Variants in SPTLC3 observed in about 807,000 individuals in gnomAD.
SPTLC3 encodes the protein serine palmitoyltransferase long chain base subunit 3, also known as serine palmitoyltransferase 3.
A neutral mutation model predicts 59.3 loss-of-function variants in SPTLC3; 36 were observed. That is an observed-to-expected ratio of 0.61 (90% CI 0.47 to 0.80). The LOEUF (loss-of-function observed/expected upper bound fraction) is 0.80, where lower values mean the gene tolerates loss of function less well. SPTLC3 is among the 30% of genes least tolerant of loss of function. The pLI, the probability that SPTLC3 is intolerant of heterozygous loss-of-function variation, is 0.00. For missense variants in SPTLC3, 625 were observed against 685.1 expected, an observed-to-expected ratio of 0.91 and a Z score of 0.98; for synonymous variants, 257 against 240.8, an observed-to-expected ratio of 1.07 and a Z score of -0.62.
chr20:13,031,411 T>C (rs573269040), intron 1 of SPTLC3, among the ~76,000 whole-genome samples: 1 of 152,314 alleles, frequency 6.6e-6, no homozygotes, highest in African/African-American at 2.4e-5. Context: ...CTGTCCCTCT[T>C]GCTCACACCA....
chr20:13,096,086 A>T (rs1190152396), intron 6 of SPTLC3, among the ~76,000 whole-genome samples: 1 of 152,180 alleles, frequency 6.6e-6, no homozygotes, highest in Non-Finnish European at 1.5e-5. Context: ...GCTTTCTCAC[A>T]CCCACTAAAA....
chr20:13,132,820 T>C (rs1037676276), intron 9 of SPTLC3: 1 of 152,134 alleles, frequency 6.6e-6, no homozygotes, highest in African/African-American at 2.4e-5. Context: ...CCCCTTCTTT[T>C]TCCAACAGCC....
At chr20:13,075,678 T>C (rs1373373417) in intron 4 of SPTLC3, among the ~76,000 whole-genome samples, 2 of 152,170 alleles carry the variant, frequency 1.3e-5, no homozygotes, top group African/African-American at 4.8e-5. Context: ...TCACCGGTGA[T>C]GCCCCATTTG....
rs531143021 is a variant in SPTLC3, at chr20:13,051,595, G to A, written c.303+2465G>A. The stretch of plus-strand genomic sequence containing the variant: ...TACCTTGGAACAAATGGACTTAACA[G>A]ATATATACAGAACATTTCATCCAAC... On this transcript the variant is annotated intron_variant, in intron 2 of 11. Coordinates refer to ENST00000399002, the MANE Select transcript of SPTLC3 (RefSeq NM_018327.4). Among the ~76,000 whole-genome samples the A allele has an allele frequency of 1.7e-3, 257 of 152,302 alleles. 2 individuals are homozygous for A. The highest frequency in any genetic ancestry group is 1.1e-3 in the Non-Finnish European group (75 of 68,030).
intron 8 of SPTLC3, among the ~76,000 whole-genome samples, chr20:13,126,104 TAGA>T (rs2037983344): frequency 6.6e-6 from 1 of 152,192 alleles, no homozygotes; most frequent in African/African-American, 2.4e-5. Context: ...CTACTTCAGC[TAGA>T]AGGACCCTCT....
At chr20:13,110,085 A>AT (rs1446043188) in intron 6 of SPTLC3, 27 bp from the exon 7 acceptor site, 1 of 1,555,662 alleles carries the variant, frequency 6.4e-7, no homozygotes, top group Non-Finnish European at 8.7e-7. Flanking sequence ...TTCATGACTC[A>AT]ATTTTTTTTT....
At chr20:13,134,740 GCAAA>G (rs1340251204) in intron 9 of SPTLC3, among the ~76,000 whole-genome samples, 1 of 151,926 alleles carries the variant, frequency 6.6e-6, no homozygotes, top group Non-Finnish European at 1.5e-5. Flanking sequence ...TCTGGCAGAT[GCAAA>G]CAAAGGTAAA....
rs372825038 is a variant in SPTLC3, at chr20:13,053,157, C to G, written c.303+4027C>G. ...CATACAGGAGAGCTCCGGCTGGCAT[C>G]TGGTGGGTGGCCCTCTGGGATGAAG... On this transcript the variant is annotated intron_variant, in intron 2 of 11. Coordinates refer to ENST00000399002, the MANE Select transcript of SPTLC3 (RefSeq NM_018327.4). Among the ~76,000 whole-genome samples, 5 of 152,166 alleles carry G rather than the reference C, an allele frequency of 3.3e-5. No homozygotes were observed. In the East Asian group the frequency reaches 9.6e-4, roughly 29 times the overall value.
At chr20:13,048,802 C>T in intron 1 of SPTLC3, 143 bp from the exon 2 acceptor site, 1 of 703,880 alleles carries the variant, frequency 1.4e-6, no homozygotes, top group South Asian at 3.1e-5. Flanking sequence ...TTTGATTACC[C>T]TCTTCAATGG....
intron 9 of SPTLC3, among the ~76,000 whole-genome samples, chr20:13,132,171 A>ATTTTTTTT (rs35718222): frequency 4.8e-5 from 5 of 103,998 alleles, no homozygotes; most frequent in Non-Finnish European, 7.5e-5. Flanking sequence ...CCTTGCTTTA[A>ATTTTTTTT]TTTTTTTTTT....
At chr20:13,090,528 G>T (rs1315988308) in intron 4 of SPTLC3, among the ~76,000 whole-genome samples, 1 of 152,070 alleles carries the variant, frequency 6.6e-6, no homozygotes. Flanking sequence ...GAATTGTGGG[G>T]TTTTTTTGTA....
chr20:13,031,199 G>A (rs1986428308), intron 1 of SPTLC3, among the ~76,000 whole-genome samples: 1 of 152,106 alleles, frequency 6.6e-6, no homozygotes, highest in African/African-American at 2.4e-5. Flanking sequence ...CTATGATGAT[G>A]GAAATGCTCT....
At chr20:13,054,178 C>A (rs116751925) in intron 2 of SPTLC3, among the ~76,000 whole-genome samples, 4 of 152,072 alleles carry the variant, frequency 2.6e-5, no homozygotes, top group African/African-American at 4.8e-5. Flanking sequence ...CAAGGAACCA[C>A]GGAATTCCAA....
intron 7 of SPTLC3, among the ~76,000 whole-genome samples, chr20:13,112,732 T>G (rs111822631): frequency 2.0e-5 from 3 of 152,288 alleles, no homozygotes; most frequent in African/African-American, 7.2e-5. Flanking sequence ...CATTCACAGA[T>G]AGGTAACAGG....
At chr20:13,136,424 C>G (rs1257345363) in intron 9 of SPTLC3, among the ~76,000 whole-genome samples, 2 of 151,752 alleles carry the variant, frequency 1.3e-5, no homozygotes, top group South Asian at 4.2e-4. Flanking sequence ...TGGCAAAACC[C>G]TGTCTCTACC....
At chr20:13,078,938 C>A (rs144214796) in intron 4 of SPTLC3, among the ~76,000 whole-genome samples, 23 of 152,116 alleles carry the variant, frequency 1.5e-4, no homozygotes, top group African/African-American at 5.5e-4. Context: ...CAATAAAGAA[C>A]AATTTTTTAA....
chr20:13,158,291 G>C (rs2038819514), intron 10 of SPTLC3, among the ~76,000 whole-genome samples: 2 of 152,098 alleles, frequency 1.3e-5, no homozygotes, highest in South Asian at 4.1e-4. Flanking sequence ...AAAATTTCCA[G>C]TGCAATCATA....
intron 1 of SPTLC3, among the ~76,000 whole-genome samples, chr20:13,025,663 T>A (rs1986105777): frequency 6.6e-6 from 1 of 152,210 alleles, no homozygotes; most frequent in South Asian, 2.1e-4. Flanking sequence ...TCTCTGCCCC[T>A]TCTTTGGTGA....
intron 4 of SPTLC3, among the ~76,000 whole-genome samples, chr20:13,090,781 T>C (rs1197267678): frequency 6.6e-6 from 1 of 152,246 alleles, no homozygotes; most frequent in East Asian, 1.9e-4. Flanking sequence ...CTTTTTTAGA[T>C]GTCTGACTTT....
Sources: allele counts gnomAD v4.1 joint callset (sites outside exome capture counted in the v4.1 genomes callset), GRCh38; gene constraint gnomAD v4.1.1; transcripts MANE v1.5; gene names NCBI Gene and HGNC (gene_info 2026-07-23, HGNC 2026-07-21).